Variants in CELSR3 observed in about 807,000 individuals in gnomAD.
CELSR3 encodes the protein cadherin EGF LAG seven-pass G-type receptor 3.
Under a neutral mutation model 270.0 loss-of-function variants are expected in CELSR3, and 73 were observed. That is an observed-to-expected ratio of 0.27 (90% CI 0.22 to 0.33). CELSR3 has a LOEUF of 0.33. CELSR3 is among the 10% of genes least tolerant of loss of function. The pLI is 1.00. For missense variants in CELSR3, 3,614 were observed against 4,533.8 expected (o/e 0.80, Z 5.83); for synonymous variants, 1,780 against 1,905.4 (o/e 0.93, Z 1.71).
At chr3:48,656,527 C>T (rs1403931696) in intron 2 of CELSR3, among the ~76,000 whole-genome samples, 162 bp from the exon 3 acceptor site, 1 of 152,238 alleles carries the variant, frequency 6.6e-6, no homozygotes, top group African/African-American at 2.4e-5. Context: ...TCCCCAGTCT[C>T]ATCGCTGCCT....
rs987413173 is a variant in CELSR3, at chr3:48,662,277, T to C, written c.358A>G (p.Ser120Gly). The C allele has an allele frequency of 1.2e-6, 2 of 1,613,000 alleles. No individual in the cohort carries two copies. Among genetic ancestry groups the C allele is most frequent in the African/African-American group, 2.7e-5 (2 of 74,942 alleles). The change falls in exon 1 of 35, where the codon AGC (serine) becomes GGC (glycine). Residue 120 changes from serine to glycine, a missense_variant. Physicochemically the swap from Ser to Gly is moderately conservative, Grantham distance 56. Coordinates refer to ENST00000164024, the MANE Select transcript of CELSR3 (RefSeq NM_001407.3). This position sits in a 1 kb window ranked among gnomAD's most constrained non-coding sequence, Gnocchi z 7.1. ...CCCTGTCCTGTCTCTCGTTCGCGGC[T>C]GCCCAATGGCTGGACGCCGTGTTCA... is the stretch of plus-strand genomic sequence containing the variant. ...GIEHGVQPLG[S>G]RERETGQGPG... is the part of the protein sequence containing the mutation.
Position 48,651,872 on chromosome 3 carries a change from C to T in CELSR3, c.5923+5G>A. Reference sequence around the variant, plus strand: ...CACCCTTCCCCCAACCCTCTCAAGGCTCACCTGGCTGGCAGGTGCAAGAAA... The same window carrying T: ...CACCCTTCCCCCAACCCTCTCAAGGTTCACCTGGCTGGCAGGTGCAAGAAA... On this transcript the variant is annotated splice_donor_5th_base_variant and intron_variant, in intron 12 of 34. Coordinates refer to ENST00000164024, the MANE Select transcript of CELSR3 (RefSeq NM_001407.3). The surrounding 1 kb of genome is among the most constrained non-coding windows in gnomAD (Gnocchi z 7.4). 6.2e-7 allele frequency: 1 copy of T among 1,607,554 alleles called. No individual in the cohort carries two copies. Among genetic ancestry groups the T allele is most frequent in the South Asian group, 1.1e-5 (1 of 90,042 alleles).
In CELSR3 at chr3:48,644,667, C is replaced by G; in HGVS notation, c.8085+49G>C. 8 of 1,422,752 alleles carry G rather than the reference C, an allele frequency of 5.6e-6. No homozygotes were observed. The highest frequency in any genetic ancestry group is 1.2e-5 in the South Asian group (1 of 86,506). 88.1% of individuals were successfully genotyped at this position (1,422,752 alleles called of 1,614,324 possible). A position where few individuals can be genotyped will look rare whatever the true frequency, so the allele number is the denominator to read the frequency against. ...AGCTGAGTCCACTGCACCTCCTCCC[C>G]CAATGAGGGAGGGAAGTACAGAGGG... is the stretch of plus-strand genomic sequence containing the variant. On this transcript the variant is annotated intron_variant, in intron 26 of 34. Transcript: ENST00000164024. This position sits in a 1 kb window ranked among gnomAD's most constrained non-coding sequence, Gnocchi z 4.8.
At position 48,644,249 on chromosome 3, in the gene CELSR3, G is replaced by A. The variant is rs779453089; in HGVS notation, c.8132C>T (p.Thr2711Ile). The change falls in exon 27 of 35, where the codon ACA (threonine) becomes ATA (isoleucine). Residue 2711 changes from threonine to isoleucine, a missense_variant. Physicochemically the swap from Thr to Ile is moderately conservative, Grantham distance 89. Coordinates refer to ENST00000164024, the MANE Select transcript of CELSR3 (RefSeq NM_001407.3). The surrounding 1 kb of genome is among the most constrained non-coding windows in gnomAD (Gnocchi z 4.8). ...GGTCTTCTTGGCCTCCCTCTGCCCT[G>A]TGGAGCAGGATGTGCGGGCAGCGAG... ...FLLAARTSCSTGQREAKKTSA... is the reference protein window; with the variant it reads ...FLLAARTSCSIGQREAKKTSA... 7.4e-6 allele frequency: 12 copies of A among 1,613,224 alleles called. No individual in the cohort carries two copies. Among genetic ancestry groups the A allele is most frequent in the African/African-American group, 1.3e-5 (1 of 75,040 alleles).
At position 48,648,324 on chromosome 3, in the gene CELSR3, G is replaced by A. The variant is rs772106170; in HGVS notation, c.6915C>T (p.Leu2305=). 9.9e-6 allele frequency: 16 copies of A among 1,611,946 alleles called. No individual in the cohort carries two copies. The highest frequency in any genetic ancestry group is 5.0e-5 in the Admixed American group (3 of 59,940). Residue 2305 remains leucine (L), a synonymous_variant, in exon 19 of 35, where the codon CTC becomes CTT. Transcript: ENST00000164024. ...GGTATGTGAGTTCCATATTCCTTGCGAGTGTGGCTGCATACTCCTCCAGGT... is the reference window on the plus strand; with the variant it reads ...GGTATGTGAGTTCCATATTCCTTGCAAGTGTGGCTGCATACTCCTCCAGGT... ...VRHLEEYAAT[L]ARNMELTYLN...
Position 48,656,191 on chromosome 3 carries a change from A to T in CELSR3, c.4574T>A (p.Phe1525Tyr), listed in dbSNP as rs542205780. 1 of 1,538,114 alleles carries T rather than the reference A, an allele frequency of 6.5e-7. No individual in the cohort carries two copies. Among genetic ancestry groups the T allele is most frequent in the African/African-American group, 1.4e-5 (1 of 73,226 alleles). Reference protein sequence around the residue: ...VAARSFPPSSFVMFRGLRQRF... With the variant: ...VAARSFPPSSYVMFRGLRQRF... ...CTGCCGCAGGCCGCGAAACATGACGAACGAACTGGGCGGGAAGGAGCGCGC... is the reference window on the plus strand; with the variant it reads ...CTGCCGCAGGCCGCGAAACATGACGTACGAACTGGGCGGGAAGGAGCGCGC... The change falls in exon 3 of 35, where the codon TTC becomes TAC. Residue 1525 changes from phenylalanine to tyrosine, a missense_variant. Physicochemically the swap from Phe to Tyr is conservative, Grantham distance 22. Coordinates refer to ENST00000164024, the MANE Select transcript of CELSR3 (RefSeq NM_001407.3).
rs575988114 is a variant in CELSR3, at chr3:48,661,067, C to T, written c.1568G>A (p.Gly523Glu). 1.1e-5 allele frequency: 18 copies of T among 1,613,584 alleles called. No individual in the cohort carries two copies. Among genetic ancestry groups the T allele is most frequent in the Non-Finnish European group, 1.4e-5 (17 of 1,180,030 alleles). ...TACGCGCACAGTGGCCGAGCGCGGC[C>T]CGGGTTCCTGGCCCTGGTCGCTGGC... ...VEASDQGQEPGPRSATVRVHI... is the reference protein window; with the variant it reads ...VEASDQGQEPEPRSATVRVHI... The change falls in exon 1 of 35, where the codon GGG (glycine) becomes GAG (glutamate). Residue 523 changes from glycine (G) to glutamate (E), a missense_variant. By Grantham distance (98) the Gly-to-Glu change is moderately conservative. This residue lies in a region of CELSR3 where 354 missense variants were observed against 500.9 expected (regional missense o/e 0.71). Transcript: ENST00000164024.
Position 48,653,713 on chromosome 3 carries a change from A to G in CELSR3, c.5354T>C (p.Val1785Ala), listed in dbSNP as rs201309600. 1.1e-5 allele frequency: 17 copies of G among 1,614,200 alleles called. No individual in the cohort carries two copies. The East Asian group carries it at 3.6e-4, about 34-fold the overall frequency. ...AAATGCCAGCCCCAGGTACCATGGCACAGACACAGCCATGTCACTTCCAAA... is the reference window on the plus strand; with the variant it reads ...AAATGCCAGCCCCAGGTACCATGGCGCAGACACAGCCATGTCACTTCCAAA... ...WNFGSDMAVS[V>A]PWYLGLAFRT... Residue 1785 changes from valine (V) to alanine (A), a missense_variant, in exon 9 of 35, where the codon GTG becomes GCG. Val to Ala is a moderately conservative substitution (Grantham distance 64). Transcript: ENST00000164024. This position sits in a 1 kb window ranked among gnomAD's most constrained non-coding sequence, Gnocchi z 6.5.
In CELSR3 at chr3:48,654,058, G is replaced by A; in HGVS notation, c.5153-55C>T. ...AGAACAAGGGTTGGGGGGCACAAGT[G>A]CTGGACAGGACTTTAGTGTCCAGAG... On this transcript the variant is annotated intron_variant, in intron 7 of 34. Transcript: ENST00000164024. This position sits in a 1 kb window ranked among gnomAD's most constrained non-coding sequence, Gnocchi z 5.4. 2 of 1,597,154 alleles carry A rather than the reference G, an allele frequency of 1.3e-6. No homozygotes were observed. Among genetic ancestry groups the A allele is most frequent in the Non-Finnish European group, 1.7e-6 (2 of 1,168,594 alleles).
Position 48,640,846 on chromosome 3 carries a change from GGCAGCCCTCAGGTCCTGACAAT to G in CELSR3, c.9026-309_9026-288del. ...GCAAACTCCCTGAGGTCAGAAGAGG[GGCAGCCCTCAGGTCCTGACAAT>G]GCAGGCCTGGCTGAAATGCAGGAAC... On this transcript the variant is annotated intron_variant, in intron 33 of 34. Coordinates refer to ENST00000164024, the MANE Select transcript of CELSR3 (RefSeq NM_001407.3). The surrounding 1 kb of genome is among the most constrained non-coding windows in gnomAD (Gnocchi z 7.5). 1 of 515,772 alleles carries G rather than the reference GGCAGCCCTCAGGTCCTGACAAT, an allele frequency of 1.9e-6. No individual in the cohort carries two copies. Among genetic ancestry groups the G allele is most frequent in the South Asian group, 2.8e-5 (1 of 35,706 alleles). The allele number at this position is 515,772 out of a possible 1,614,324, so 31.9% of individuals were successfully genotyped here. A position where few individuals can be genotyped will look rare whatever the true frequency, so the allele number is the denominator to read the frequency against.
In CELSR3 at chr3:48,656,216, C is replaced by A. The variant is rs781522720; in HGVS notation, c.4549G>T (p.Ala1517Ser). The A allele has an allele frequency of 6.5e-7, 1 of 1,536,700 alleles. No homozygotes were observed. Among genetic ancestry groups the A allele is most frequent in the South Asian group, 1.2e-5 (1 of 84,096 alleles). Residue 1517 changes from alanine (A) to serine (S), a missense_variant, in exon 3 of 35, where the codon GCG becomes TCG. Physicochemically the swap from Ala to Ser is moderately conservative, Grantham distance 99. Around this residue, in one of 7 missense-constraint regions of CELSR3, gnomAD observed 1,331 missense variants for 1,933.7 expected, o/e 0.69. Coordinates refer to ENST00000164024, the MANE Select transcript of CELSR3 (RefSeq NM_001407.3). ...AACGAACTGGGCGGGAAGGAGCGCG[C>A]AGCCACCTCGCAGCGCGGGCCCTCG... The part of the protein sequence containing the change: ...AFEGPRCEVA[A>S]RSFPPSSFVM...
In CELSR3 at chr3:48,640,391, C is replaced by T. The variant is rs771020648; in HGVS notation, c.9194G>A (p.Arg3065His). Reference sequence around the variant, plus strand: ...GTCCAGCTGTTCTCTAGAAGAGTAGCGGCTGGCTGGCTGTGAAAGGCTGCC... The same window carrying T: ...GTCCAGCTGTTCTCTAGAAGAGTAGTGGCTGGCTGGCTGTGAAAGGCTGCC... ...GTGSLSQPAS[R>H]YSSREQLDLL... The change falls in exon 34 of 35, where the codon CGC (arginine) becomes CAC (histidine). Residue 3065 changes from arginine to histidine, a missense_variant. By Grantham distance (29) the Arg-to-His change is conservative. Around this residue, in one of 7 missense-constraint regions of CELSR3, gnomAD observed 1,240 missense variants for 1,351.7 expected, o/e 0.92. Transcript: ENST00000164024. This position sits in a 1 kb window ranked among gnomAD's most constrained non-coding sequence, Gnocchi z 7.5. 2.1e-5 allele frequency: 34 copies of T among 1,612,428 alleles called. No individual in the cohort carries two copies. The highest frequency in any genetic ancestry group is 2.5e-5 in the Non-Finnish European group (29 of 1,179,890).
rs1477082633 is a variant in CELSR3 at position 48,648,015 on chromosome 3, G to T, written c.6974-19C>A. ...CTGAGCACTACCCAGGAGAAAGAAA[G>T]GGGAGGCCCATCATGGACCTCTTCC... On this transcript the variant is annotated intron_variant, in intron 19 of 34. Coordinates refer to ENST00000164024, the MANE Select transcript of CELSR3 (RefSeq NM_001407.3). The T allele has an allele frequency of 6.2e-7, 1 of 1,610,836 alleles. No individual in the cohort carries two copies. The highest frequency in any genetic ancestry group is 1.3e-5 in the African/African-American group (1 of 74,928).
Position 48,659,662 on chromosome 3 carries a change from A to G in CELSR3, c.2973T>C (p.His991=), listed in dbSNP as rs1413963558. ...LQISATDRDA[H]ANGRVQYTFQ... is the part of the protein sequence containing the mutation. Reference sequence around the variant, plus strand: ...AAGTGTACTGGACCCGGCCATTGGCATGAGCATCCCGGTCAGTGGCTGAGA... The same window carrying G: ...AAGTGTACTGGACCCGGCCATTGGCGTGAGCATCCCGGTCAGTGGCTGAGA... The change falls in exon 1 of 35, where the codon CAT becomes CAC. Residue 991 remains histidine (H), a synonymous_variant. Coordinates refer to ENST00000164024, the MANE Select transcript of CELSR3 (RefSeq NM_001407.3). The surrounding 1 kb of genome is among the most constrained non-coding windows in gnomAD (Gnocchi z 8.1). 1 of 1,614,228 alleles carries G rather than the reference A, an allele frequency of 6.2e-7. No individual in the cohort carries two copies.
At chr3:48,643,306 G>A (rs1406543899) in intron 28 of CELSR3, 3 of 635,938 alleles carry the variant, frequency 4.7e-6, no homozygotes, top group Non-Finnish European at 8.1e-6. Context: ...CAAGGGGTCG[G>A]GAGCCTTGGT....
At position 48,653,203 on chromosome 3, in the gene CELSR3, C is replaced by T. The variant is rs1214870568; in HGVS notation, c.5449-16G>A. The T allele has an allele frequency of 1.2e-6, 2 of 1,611,498 alleles. No individual in the cohort carries two copies. Among genetic ancestry groups the T allele is most frequent in the Non-Finnish European group, 1.7e-6 (2 of 1,178,874 alleles). ...CCCGATCTAGCTGTGGGCAGAGATG[C>T]ATAGCCCTGGGGTTAGAGCCCCATG... On this transcript the variant is annotated splice_polypyrimidine_tract_variant and intron_variant, in intron 9 of 34. Coordinates refer to ENST00000164024, the MANE Select transcript of CELSR3 (RefSeq NM_001407.3). This position sits in a 1 kb window ranked among gnomAD's most constrained non-coding sequence, Gnocchi z 6.5.
rs2077044228 is a variant in CELSR3 at position 48,658,820 on chromosome 3, C to T, written c.3748+67G>A. The stretch of plus-strand genomic sequence containing the variant: ...GAAATCCCTCTTTGGTTTGAGGTGC[C>T]CTGTGGAGTCCCTGAGGCCCAACAG... On this transcript the variant is annotated intron_variant, in intron 1 of 34. Transcript: ENST00000164024. The surrounding 1 kb of genome is among the most constrained non-coding windows in gnomAD (Gnocchi z 4.7). 1 of 1,566,460 alleles carries T rather than the reference C, an allele frequency of 6.4e-7. No individual in the cohort carries two copies. The highest frequency in any genetic ancestry group is 1.7e-5 in the Admixed American group (1 of 57,392).
chr3:48,661,057 C>T lies in CELSR3; in HGVS notation c.1578G>A (p.Ser526=). The change falls in exon 1 of 35, where the codon TCG becomes TCA. Residue 526 remains serine, a synonymous_variant. Coordinates refer to ENST00000164024, the MANE Select transcript of CELSR3 (RefSeq NM_001407.3). ...CAGTTATGTGTACGCGCACAGTGGC[C>T]GAGCGCGGCCCGGGTTCCTGGCCCT... The part of the protein sequence containing the change: ...SDQGQEPGPR[S]ATVRVHITVL... 1 of 1,613,712 alleles carries T rather than the reference C, an allele frequency of 6.2e-7. No individual in the cohort carries two copies. The highest frequency in any genetic ancestry group is 8.5e-7 in the Non-Finnish European group (1 of 1,180,032).
chr3:48,646,737 A>C lies in CELSR3; in HGVS notation c.7295+26T>G, dbSNP rs989216002. 6.3e-7 allele frequency: 1 copy of C among 1,590,642 alleles called. No individual in the cohort carries two copies. Among genetic ancestry groups the C allele is most frequent in the South Asian group, 1.1e-5 (1 of 88,042 alleles). On this transcript the variant is annotated intron_variant, in intron 21 of 34. Coordinates refer to ENST00000164024, the MANE Select transcript of CELSR3 (RefSeq NM_001407.3). This position sits in a 1 kb window ranked among gnomAD's most constrained non-coding sequence, Gnocchi z 4.8. ...CTGCCAGGCTGAGAAGTTCGTAGGA[A>C]GCTCAGGGGTGAGGGGCCTGAGTAC... is the stretch of plus-strand genomic sequence containing the variant.
Sources: gnomAD v4.1 joint callset for allele counts (sites outside exome capture counted in the v4.1 genomes callset) on GRCh38, gnomAD v4.1.1 for gene constraint, gnomAD v4.1.1 regional missense constraint, Gnocchi (gnomAD v3.1) non-coding constraint, MANE v1.5 for transcripts, NCBI Gene and HGNC (gene_info 2026-07-23, HGNC 2026-07-21) for gene names.